The following LCE2B variants were observed in gnomAD, a reference collection of about 807,000 sequenced individuals.
LCE2B encodes the protein late cornified envelope protein 2B.
For missense variants in LCE2B, 175 were observed against 141.6 expected (o/e 1.24, Z -1.20); for synonymous variants, 69 against 52.0 (o/e 1.33, Z -1.40).
Position 152,687,151 on chromosome 1 carries a change from G to T in LCE2B, c.308G>T (p.Cys103Phe), listed in dbSNP as rs1474803003. Residue 103 changes from cysteine (C) to phenylalanine (F), a missense_variant, in exon 2 of 2, where the codon TGC (cysteine) becomes TTC (phenylalanine). Transcript: ENST00000368780. The stretch of plus-strand genomic sequence containing the variant: ...GAACCTTCTGGGGGCTCTGGCTGCT[G>T]CCACAGCTCTGGGGGCTGCTGCTGA... ...ESEPSGGSGC[C>F]HSSGGCC 1 of 1,613,704 alleles carries T rather than the reference G, an allele frequency of 6.2e-7. No homozygotes were observed. The highest frequency in any genetic ancestry group is 8.5e-7 in the Non-Finnish European group (1 of 1,179,880).
intron 1 of LCE2B, among the ~76,000 whole-genome samples, chr1:152,686,486 T>C (rs923894246): frequency 7.2e-5 from 11 of 152,124 alleles, no homozygotes; most frequent in Admixed American, 6.5e-4. Context: ...CAAAATCTTT[T>C]TCCAGAGGAC....
Position 152,687,272 on chromosome 1 carries a change from G to A in LCE2B, c.*96G>A. 2 of 1,497,402 alleles carry A rather than the reference G, an allele frequency of 1.3e-6. No individual in the cohort carries two copies. The highest frequency in any genetic ancestry group is 4.6e-5 in the East Asian group (2 of 43,418). 92.8% of individuals were successfully genotyped at this position (1,497,402 alleles called of 1,614,324 possible). On this transcript the variant is annotated 3_prime_UTR_variant, in exon 2 of 2. Transcript: ENST00000368780. ...ATTTCCTCTCATTCCATTCATGGGTGGACAGCGACCACAAAGACTCATGGG... is the reference window on the plus strand; with the variant it reads ...ATTTCCTCTCATTCCATTCATGGGTAGACAGCGACCACAAAGACTCATGGG...
rs1415777884 is a variant in LCE2B, at chr1:152,686,904, A to G, written c.61A>G (p.Thr21Ala). 1 of 1,613,900 alleles carries G rather than the reference A, an allele frequency of 6.2e-7. No individual in the cohort carries two copies. Among genetic ancestry groups the G allele is most frequent in the African/African-American group, 1.3e-5 (1 of 74,880 alleles). The change falls in exon 2 of 2, where the codon ACC becomes GCC. Residue 21 changes from threonine (T) to alanine (A), a missense_variant. By Grantham distance (58) the Thr-to-Ala change is moderately conservative. Coordinates refer to ENST00000368780, the MANE Select transcript of LCE2B (RefSeq NM_014357.5). ...QPPPKCPPKC[T>A]PKCPPKCPPK... is the part of the protein sequence containing the mutation. ...CCCTCCCAAGTGTCCTCCCAAGTGT[A>G]CCCCAAAATGTCCACCTAAGTGTCC...
In LCE2B at chr1:152,686,840, C is replaced by T. The variant is rs904195280; in HGVS notation, c.-4C>T. 1.2e-5 allele frequency: 20 copies of T among 1,613,946 alleles called. No individual in the cohort carries two copies. The highest frequency in any genetic ancestry group is 1.6e-5 in the Non-Finnish European group (19 of 1,179,998). On this transcript the variant is annotated 5_prime_UTR_variant, in exon 2 of 2. Coordinates refer to ENST00000368780, the MANE Select transcript of LCE2B (RefSeq NM_014357.5). ...ATCTTTCAGGTTGACTAAACTCTGCCAGGATGTCTTGCCAGCAAAACCAGC... is the reference window on the plus strand; with the variant it reads ...ATCTTTCAGGTTGACTAAACTCTGCTAGGATGTCTTGCCAGCAAAACCAGC...
Position 152,686,843 on chromosome 1 carries a change from G to C in LCE2B, c.-1G>C, listed in dbSNP as rs199946298. The C allele has an allele frequency of 4.2e-5, 68 of 1,614,038 alleles. 1 individual carries two copies. Among genetic ancestry groups the C allele is most frequent in the Admixed American group, 4.2e-4 (25 of 60,008 alleles). On this transcript the variant is annotated 5_prime_UTR_variant, in exon 2 of 2. Transcript: ENST00000368780. Reference sequence around the variant, plus strand: ...TTTCAGGTTGACTAAACTCTGCCAGGATGTCTTGCCAGCAAAACCAGCAGC... The same window carrying C: ...TTTCAGGTTGACTAAACTCTGCCAGCATGTCTTGCCAGCAAAACCAGCAGC...
chr1:152,686,740 C>T (rs1217398401), intron 1 of LCE2B, 84 bp from the exon 2 acceptor site: 5 of 1,463,622 alleles, frequency 3.4e-6, no homozygotes, highest in Non-Finnish European at 4.6e-6. Context: ...TATCATTCTT[C>T]TTCTACACAT....
rs960881697 is a variant in LCE2B, at chr1:152,686,613, C to A, written c.-20-211C>A. Among the ~76,000 whole-genome samples the A allele has an allele frequency of 8.6e-5, 13 of 151,842 alleles. 1 individual carries two copies. Among genetic ancestry groups the A allele is most frequent in the African/African-American group, 2.7e-4 (11 of 41,176 alleles). ...TGTGAGGATAGAGTAATCTCAGCTT[C>A]CCCTGAAAGGAAGAATACGAAGCTC... On this transcript the variant is annotated intron_variant, in intron 1 of 1. Coordinates refer to ENST00000368780, the MANE Select transcript of LCE2B (RefSeq NM_014357.5).
intron 1 of LCE2B, among the ~76,000 whole-genome samples, 167 bp downstream of exon 1, chr1:152,686,323 T>A (rs1013079553): frequency 6.6e-6 from 1 of 152,032 alleles, no homozygotes; most frequent in South Asian, 2.1e-4. Flanking sequence ...CCGGAGGTCG[T>A]ATAGGTGGGG....
chr1:152,687,209 T>C lies in LCE2B; in HGVS notation c.*33T>C. On this transcript the variant is annotated 3_prime_UTR_variant, in exon 2 of 2. Transcript: ENST00000368780. ...TAAGAAGAACTCTTTGGACAGAATGTTTAAGAACCTCCTACAGCCTGATGC... is the reference window on the plus strand; with the variant it reads ...TAAGAAGAACTCTTTGGACAGAATGCTTAAGAACCTCCTACAGCCTGATGC... The C allele has an allele frequency of 1.9e-6, 3 of 1,591,774 alleles. No individual in the cohort carries two copies. The highest frequency in any genetic ancestry group is 2.6e-6 in the Non-Finnish European group (3 of 1,169,898).
Position 152,687,141 on chromosome 1 carries a change from T to G in LCE2B, c.298T>G (p.Ser100Ala). ...CTGTGAGAGTGAACCTTCTGGGGGC[T>G]CTGGCTGCTGCCACAGCTCTGGGGG... is the stretch of plus-strand genomic sequence containing the variant. ...DCCESEPSGG[S>A]GCCHSSGGCC is the part of the protein sequence containing the mutation. Residue 100 changes from serine (S) to alanine (A), a missense_variant, in exon 2 of 2, where the codon TCT becomes GCT. Physicochemically the swap from Ser to Ala is moderately conservative, Grantham distance 99 (BLOSUM62 1). Transcript: ENST00000368780. 6.2e-7 allele frequency: 1 copy of G among 1,613,680 alleles called. No homozygotes were observed. Among genetic ancestry groups the G allele is most frequent in the Non-Finnish European group, 8.5e-7 (1 of 1,179,856 alleles).
chr1:152,687,067 A>G lies in LCE2B; in HGVS notation c.224A>G (p.His75Arg). ...NSGAGGCCLSHHRPRLFHRRR... is the reference protein window; with the variant it reads ...NSGAGGCCLSRHRPRLFHRRR... The stretch of plus-strand genomic sequence containing the variant: ...GGGGCTGGTGGCTGCTGCCTGAGCC[A>G]CCACAGGCCCCGTCTCTTCCACCGG... Residue 75 changes from histidine to arginine, a missense_variant, in exon 2 of 2, where the codon CAC becomes CGC. Physicochemically the swap from His to Arg is conservative, Grantham distance 29. Transcript: ENST00000368780. The G allele has an allele frequency of 6.2e-7, 1 of 1,613,140 alleles. No homozygotes were observed. The highest frequency in any genetic ancestry group is 8.5e-7 in the Non-Finnish European group (1 of 1,179,856).
rs201177469 is a variant in LCE2B, at chr1:152,687,155, C to T, written c.312C>T (p.His104=). The change falls in exon 2 of 2, where the codon CAC becomes CAT. Residue 104 remains histidine (H), a synonymous_variant. Transcript: ENST00000368780. ...CTTCTGGGGGCTCTGGCTGCTGCCA[C>T]AGCTCTGGGGGCTGCTGCTGACCTG... ...SEPSGGSGCC[H]SSGGCC is the part of the protein sequence containing the mutation. 2.0e-5 allele frequency: 33 copies of T among 1,613,816 alleles called. No homozygotes were observed. The African/African-American group carries it at 3.1e-4, about 15-fold the overall frequency.
chr1:152,686,617 T>C lies in LCE2B; in HGVS notation c.-20-207T>C, dbSNP rs78993107. ...AGGATAGAGTAATCTCAGCTTCCCC[T>C]GAAAGGAAGAATACGAAGCTCATTC... On this transcript the variant is annotated intron_variant, in intron 1 of 1. Coordinates refer to ENST00000368780, the MANE Select transcript of LCE2B (RefSeq NM_014357.5). Among the ~76,000 whole-genome samples the C allele has an allele frequency of 6.5e-3, 985 of 152,058 alleles. 34 individuals carry two copies. Among genetic ancestry groups the C allele is most frequent in the Admixed American group, 0.038 (576 of 15,284 alleles).
In LCE2B at chr1:152,686,847, T is replaced by A; in HGVS notation, c.4T>A (p.Ser2Thr). The change falls in exon 2 of 2, where the codon TCT becomes ACT. Residue 2 changes from serine to threonine, a missense_variant. Physicochemically the swap from Ser to Thr is moderately conservative, Grantham distance 58. Coordinates refer to ENST00000368780, the MANE Select transcript of LCE2B (RefSeq NM_014357.5). ...AGGTTGACTAAACTCTGCCAGGATGTCTTGCCAGCAAAACCAGCAGCAGTG... is the reference window on the plus strand; with the variant it reads ...AGGTTGACTAAACTCTGCCAGGATGACTTGCCAGCAAAACCAGCAGCAGTG... MSCQQNQQQCQP... is the reference protein window; with the variant it reads MTCQQNQQQCQP... The A allele has an allele frequency of 1.4e-5, 23 of 1,614,130 alleles. No homozygotes were observed. Among genetic ancestry groups the A allele is most frequent in the Non-Finnish European group, 1.8e-5 (21 of 1,180,012 alleles).
In LCE2B at chr1:152,686,839, C is replaced by A; in HGVS notation, c.-5C>A. On this transcript the variant is annotated 5_prime_UTR_variant, in exon 2 of 2. Transcript: ENST00000368780. ...TATCTTTCAGGTTGACTAAACTCTG[C>A]CAGGATGTCTTGCCAGCAAAACCAG... 1 of 1,614,032 alleles carries A rather than the reference C, an allele frequency of 6.2e-7. No individual in the cohort carries two copies. The highest frequency in any genetic ancestry group is 2.2e-5 in the East Asian group (1 of 44,874).
rs1236935956 is a variant in LCE2B at position 152,686,817 on chromosome 1, C to A, written c.-20-7C>A. 6.2e-7 allele frequency: 1 copy of A among 1,612,796 alleles called. No homozygotes were observed. The highest frequency in any genetic ancestry group is 8.5e-7 in the Non-Finnish European group (1 of 1,179,392). On this transcript the variant is annotated splice_polypyrimidine_tract_variant and splice_region_variant and intron_variant, in intron 1 of 1. Coordinates refer to ENST00000368780, the MANE Select transcript of LCE2B (RefSeq NM_014357.5). ...AATATTTAAAGAGTTTCATTATTAT[C>A]TTTCAGGTTGACTAAACTCTGCCAG...
chr1:152,686,566 G>A (rs1029719207), intron 1 of LCE2B, among the ~76,000 whole-genome samples: 3 of 151,988 alleles, frequency 2.0e-5, no homozygotes, highest in Non-Finnish European at 2.9e-5. Flanking sequence ...ACTTCATGGA[G>A]TGTGAATACT....
intron 1 of LCE2B, 80 bp downstream of exon 1, chr1:152,686,236 T>C (rs1649127528): frequency 6.6e-6 from 1 of 152,292 alleles, no homozygotes; most frequent in Admixed American, 6.5e-5. Context: ...GGAGAAAGAG[T>C]TGTGTGCTTG....
intron 1 of LCE2B, among the ~76,000 whole-genome samples, chr1:152,686,473 T>G (rs915035829): frequency 6.8e-6 from 1 of 146,118 alleles, no homozygotes; most frequent in African/African-American, 2.7e-5. Flanking sequence ...GGAGGTTTCA[T>G]TGCAAAATCT....
Sources: allele counts gnomAD v4.1 joint callset (sites outside exome capture counted in the v4.1 genomes callset), GRCh38; gene constraint gnomAD v4.1.1; transcripts MANE v1.5; gene names NCBI Gene and HGNC (gene_info 2026-07-23, HGNC 2026-07-21).